TNFAIP8: variants seen among roughly 807,000 people sequenced by gnomAD.
TNFAIP8 encodes the protein TNF alpha induced protein 8.
Under a neutral mutation model 13.3 loss-of-function variants are expected in TNFAIP8, and 7 were observed. The ratio of observed to expected loss-of-function variants is 0.52; its 90% CI spans 0.30 to 0.99. The LOEUF is 0.99. Among genes scored for constraint, TNFAIP8 ranks in the 50% least tolerant of loss-of-function variants. The pLI is 0.07. For missense variants in TNFAIP8, 258 were observed against 236.9 expected (o/e 1.09, Z -0.58); for synonymous variants, 94 against 87.6 (o/e 1.07, Z -0.41).
At chr5:119,291,770 T>G (rs13167458) in intron 1 of TNFAIP8, among the ~76,000 whole-genome samples, 33,798 of 152,200 alleles carry the variant, frequency 0.22, 4,265 homozygotes, top group East Asian at 0.41. Flanking sequence ...CGGGTAAGTA[T>G]TTCACTCAAG....
chr5:119,328,235 A>T (rs924683945), intron 1 of TNFAIP8, among the ~76,000 whole-genome samples: 7 of 152,104 alleles, frequency 4.6e-5, no homozygotes, highest in African/African-American at 1.7e-4. Flanking sequence ...CTGACCCTCA[A>T]CCCTTGCCCT....
chr5:119,278,915 G>A (rs1489490840), intron 1 of TNFAIP8, among the ~76,000 whole-genome samples: 1 of 152,114 alleles, frequency 6.6e-6, no homozygotes, highest in African/African-American at 2.4e-5. Flanking sequence ...TGATGTTAAA[G>A]GTCATGGGTT....
At chr5:119,333,594 C>T (rs1420459002) in intron 1 of TNFAIP8, 27 of 1,535,426 alleles carry the variant, frequency 1.8e-5, no homozygotes, top group Non-Finnish European at 2.3e-5. Flanking sequence ...GTGAAGTTGT[C>T]CTTCTGATTG....
Position 119,381,888 on chromosome 5 carries a change from C to T in TNFAIP8, c.32-10928C>T, listed in dbSNP as rs184749445. Among the ~76,000 whole-genome samples the T allele has an allele frequency of 7.8e-3, 1,186 of 151,832 alleles. 7 individuals are homozygous for T. The highest frequency in any genetic ancestry group is 0.012 in the Non-Finnish European group (823 of 67,942). Reference sequence around the variant, plus strand: ...TGGAGGTTGCAGTGAGCCAAGATCGCGCCATTGTACTCCAGCCTGCAAGAC... The same window carrying T: ...TGGAGGTTGCAGTGAGCCAAGATCGTGCCATTGTACTCCAGCCTGCAAGAC... On this transcript the variant is annotated intron_variant, in intron 1 of 1. Transcript: ENST00000504771.
intron 1 of TNFAIP8, among the ~76,000 whole-genome samples, chr5:119,311,403 A>G (rs182833978): frequency 2.0e-5 from 3 of 149,678 alleles, no homozygotes; most frequent in Non-Finnish European, 4.5e-5. Flanking sequence ...TAAAAACCCA[A>G]TGAATGGGCT....
chr5:119,279,835 A>G (rs1338315209), intron 1 of TNFAIP8, among the ~76,000 whole-genome samples: 2 of 152,242 alleles, frequency 1.3e-5, no homozygotes, highest in Non-Finnish European at 2.9e-5. Context: ...TTAAAGTGTT[A>G]TAAGGCAAAT....
At chr5:119,297,212 G>A (rs931212039) in intron 1 of TNFAIP8, among the ~76,000 whole-genome samples, 1 of 151,900 alleles carries the variant, frequency 6.6e-6, no homozygotes. Context: ...TGGCAATTTT[G>A]GATCTTTCCT....
At position 119,394,284 on chromosome 5, in the gene TNFAIP8, G is replaced by A. The variant is rs1172540392; in HGVS notation, c.*903G>A. On this transcript the variant is annotated 3_prime_UTR_variant, in exon 2 of 2. Transcript: ENST00000504771. ...TCATTGAAACAATTTAGGGGAATGAGGGGCAAAAGGGGAGAAATACTGCTA... is the reference window on the plus strand; with the variant it reads ...TCATTGAAACAATTTAGGGGAATGAAGGGCAAAAGGGGAGAAATACTGCTA... 6.6e-6 allele frequency: 1 copy of A among 152,194 alleles called. No individual in the cohort carries two copies. The highest frequency in any genetic ancestry group is 6.5e-5 in the Admixed American group (1 of 15,278). 9.4% of individuals were successfully genotyped at this position (152,194 alleles called of 1,614,324 possible).
At chr5:119,295,296 T>C (rs925797599) in intron 1 of TNFAIP8, among the ~76,000 whole-genome samples, 2 of 149,648 alleles carry the variant, frequency 1.3e-5, no homozygotes, top group Non-Finnish European at 3.0e-5. Context: ...CATCTTGAAT[T>C]AATTTTTGTA....
intron 1 of TNFAIP8, among the ~76,000 whole-genome samples, chr5:119,358,005 T>A (rs1321168681): frequency 1.3e-5 from 2 of 152,102 alleles, no homozygotes; most frequent in African/African-American, 4.8e-5. Flanking sequence ...TCTGGTTAGC[T>A]ACCACCACTC....
intron 1 of TNFAIP8, among the ~76,000 whole-genome samples, chr5:119,379,607 T>C (rs1488346990): frequency 6.6e-6 from 1 of 152,130 alleles, no homozygotes; most frequent in Non-Finnish European, 1.5e-5. Context: ...TTTGATTTGA[T>C]TTGAGACAGG....
intron 1 of TNFAIP8, among the ~76,000 whole-genome samples, chr5:119,338,595 C>G (rs6862517): frequency 0.1 from 15,920 of 152,174 alleles, 1,027 homozygotes; most frequent in African/African-American, 0.2. Flanking sequence ...AGTTGTGCAT[C>G]CTTGGGCTCC....
intron 1 of TNFAIP8, among the ~76,000 whole-genome samples, chr5:119,386,978 C>CTCCCTCCCTCT (rs1752704076): frequency 1.5e-5 from 2 of 135,420 alleles, no homozygotes; most frequent in Non-Finnish European, 3.2e-5. Context: ...TCCCTCCCTC[C>CTCCCTCCCTCT]CTCTCTTTCC....
intron 1 of TNFAIP8, among the ~76,000 whole-genome samples, chr5:119,329,721 G>A (rs556090177): frequency 9.5e-4 from 144 of 152,046 alleles, no homozygotes; most frequent in African/African-American, 2.9e-3. Context: ...GGGTTTTGGC[G>A]AGGAGTGAGT....
At chr5:119,285,317 G>A (rs2150807099) in intron 1 of TNFAIP8, among the ~76,000 whole-genome samples, 1 of 152,240 alleles carries the variant, frequency 6.6e-6, no homozygotes, top group East Asian at 1.9e-4. Flanking sequence ...ATTGTCACAT[G>A]TACTTTTCAT....
intron 1 of TNFAIP8, among the ~76,000 whole-genome samples, chr5:119,382,752 C>G (rs1000593438): frequency 1.2e-4 from 18 of 152,198 alleles, no homozygotes; most frequent in Non-Finnish European, 2.2e-4. Flanking sequence ...GGCAAGGCCC[C>G]TGACCCAGTC....
intron 1 of TNFAIP8, among the ~76,000 whole-genome samples, chr5:119,299,187 T>G (rs1253639548): frequency 6.6e-6 from 1 of 152,198 alleles, no homozygotes; most frequent in Non-Finnish European, 1.5e-5. Context: ...GGCGCTCTGC[T>G]TTTTAGAGTT....
chr5:119,286,478 T>C (rs993592933), intron 1 of TNFAIP8, among the ~76,000 whole-genome samples: 1 of 152,038 alleles, frequency 6.6e-6, no homozygotes, highest in Non-Finnish European at 1.5e-5. Context: ...AAAAATTATC[T>C]GGGCATAGTG....
At chr5:119,297,538 T>A (rs1749216188) in intron 1 of TNFAIP8, among the ~76,000 whole-genome samples, 1 of 152,212 alleles carries the variant, frequency 6.6e-6, no homozygotes, top group African/African-American at 2.4e-5. Flanking sequence ...ATGTGGTCAA[T>A]TTTGGAATAG....
Sources: allele counts gnomAD v4.1 joint callset (sites outside exome capture counted in the v4.1 genomes callset), GRCh38; gene constraint gnomAD v4.1.1; transcripts MANE v1.5; gene names NCBI Gene and HGNC (gene_info 2026-07-23, HGNC 2026-07-21).